The following LTBP1 variants were observed in gnomAD, a reference collection of about 807,000 sequenced individuals.
LTBP1 encodes latent transforming growth factor beta binding protein 1.
In LTBP1, 129 loss-of-function variants were observed where a neutral mutation model predicts 207.6. The observed-to-expected ratio is 0.62, with a 90% CI of 0.54 to 0.72. The LOEUF (loss-of-function observed/expected upper bound fraction) is 0.72, where lower values mean the gene tolerates loss of function less well. LTBP1 is among the 30% of genes least tolerant of loss of function. The pLI is 0.00. For synonymous variants in LTBP1, 963 were observed against 833.7 expected (o/e 1.16, Z -2.67); for missense variants, 2,281 against 2,217.2 (o/e 1.03, Z -0.58).
chr2:33,351,100 C>T (rs1451943384), intron 26 of LTBP1, among the ~76,000 whole-genome samples: 2 of 152,138 alleles, frequency 1.3e-5, no homozygotes, highest in Non-Finnish European at 2.9e-5. Flanking sequence ...TAATTCTTCA[C>T]TTTACTCAAT....
intron 26 of LTBP1, among the ~76,000 whole-genome samples, chr2:33,350,449 G>A (rs1327417533): frequency 2.6e-5 from 4 of 152,280 alleles, no homozygotes; most frequent in African/African-American, 7.2e-5. Context: ...AGTGCTTCCC[G>A]CGGAGGCATC....
chr2:33,195,486 T>C (rs1368811363), intron 7 of LTBP1, among the ~76,000 whole-genome samples: 1 of 152,128 alleles, frequency 6.6e-6, no homozygotes, highest in East Asian at 1.9e-4. Context: ...ACTACAGATA[T>C]GGTGGAAATA....
At chr2:33,032,326 C>A (rs1422252255) in intron 3 of LTBP1, among the ~76,000 whole-genome samples, 1 of 152,168 alleles carries the variant, frequency 6.6e-6, no homozygotes, top group South Asian at 2.1e-4. Flanking sequence ...TAATCAAGGT[C>A]TTTTTTCCTG....
intron 24 of LTBP1, among the ~76,000 whole-genome samples, chr2:33,320,228 T>G (rs2094334712): frequency 6.6e-6 from 1 of 151,678 alleles, no homozygotes; most frequent in Admixed American, 6.6e-5. Context: ...AATTAGCTGG[T>G]TGTGGCCGTG....
At chr2:33,076,683 C>T (rs1001189992) in intron 3 of LTBP1, among the ~76,000 whole-genome samples, 15 of 151,878 alleles carry the variant, frequency 9.9e-5, no homozygotes, top group East Asian at 1.9e-4. Context: ...ATTACAGGCC[C>T]GCACCACCAC....
At chr2:33,299,987 A>G (rs1256753091) in intron 20 of LTBP1, among the ~76,000 whole-genome samples, 1 of 152,200 alleles carries the variant, frequency 6.6e-6, no homozygotes, top group African/African-American at 2.4e-5. Flanking sequence ...TTGGCCTTAT[A>G]GTTCAACTTC....
chr2:32,993,050 G>T (rs946222328), intron 2 of LTBP1, among the ~76,000 whole-genome samples: 1 of 152,082 alleles, frequency 6.6e-6, no homozygotes, highest in Non-Finnish European at 1.5e-5. Flanking sequence ...GGTGCTGGTG[G>T]GCCTGCAGAT....
intron 31 of LTBP1, among the ~76,000 whole-genome samples, chr2:33,386,633 G>A (rs987620837): frequency 6.6e-6 from 1 of 152,034 alleles, no homozygotes; most frequent in African/African-American, 2.4e-5. Flanking sequence ...AGACCAGCTT[G>A]GGCAACATTG....
chr2:33,141,436 T>C (rs1209572100), intron 5 of LTBP1, among the ~76,000 whole-genome samples: 5 of 152,322 alleles, frequency 3.3e-5, no homozygotes, highest in African/African-American at 1.2e-4. Flanking sequence ...ATTACATGTA[T>C]TTTACCACAA....
In LTBP1 at chr2:32,947,646, C is replaced by G. The variant is rs1280939655; in HGVS notation, c.322C>G (p.Pro108Ala). 4 of 1,394,212 alleles carry G rather than the reference C, an allele frequency of 2.9e-6. No homozygotes were observed. The African/African-American group carries it at 6.1e-5, about 21-fold the overall frequency. The allele number at this position is 1,394,212 out of a possible 1,614,324, so 86.4% of individuals were successfully genotyped here. The change falls in exon 1 of 34, where the codon CCT (proline) becomes GCT (alanine). Residue 108 changes from proline (P) to alanine (A), a missense_variant. Transcript: ENST00000404816. ...ACCGCCGCCGCCGCCGCCGCCGGAG[C>G]CTGCGCGTCCCGCGGTCCCCGGCGG... ...LRPPPPPPPE[P>A]ARPAVPGGQL...
At chr2:33,168,666 C>T (rs986623521) in intron 5 of LTBP1, among the ~76,000 whole-genome samples, 3 of 151,740 alleles carry the variant, frequency 2.0e-5, no homozygotes, top group Non-Finnish European at 4.4e-5. Context: ...GTCCACCTGG[C>T]CTTTTTAGCA....
intron 11 of LTBP1, among the ~76,000 whole-genome samples, chr2:33,254,808 T>C (rs1387254704): frequency 9.0e-6 from 1 of 111,604 alleles, no homozygotes; most frequent in Non-Finnish European, 1.8e-5. Flanking sequence ...CCATGTGTTC[T>C]CATTGTTCAA....
intron 10 of LTBP1, among the ~76,000 whole-genome samples, chr2:33,248,744 A>G (rs974185022): frequency 6.6e-6 from 1 of 151,712 alleles, no homozygotes; most frequent in Non-Finnish European, 1.5e-5. Context: ...GCGCCACCAC[A>G]CCCGGCTAAT....
chr2:33,273,032 AGAAAAGATTTGG>A (rs765406610), intron 15 of LTBP1, among the ~76,000 whole-genome samples: 1 of 152,234 alleles, frequency 6.6e-6, no homozygotes, highest in Non-Finnish European at 1.5e-5. Context: ...GGAATTTAGC[AGAAAAGATTTGG>A]GAAAAGATTC....
At chr2:33,113,631 C>T (rs1244336826) in intron 4 of LTBP1, among the ~76,000 whole-genome samples, 1 of 152,154 alleles carries the variant, frequency 6.6e-6, no homozygotes, top group Non-Finnish European at 1.5e-5. Context: ...GTATATTTAC[C>T]AGTCTTCTTA....
At chr2:33,251,084 G>A (rs1376885030) in intron 10 of LTBP1, among the ~76,000 whole-genome samples, 2 of 152,252 alleles carry the variant, frequency 1.3e-5, no homozygotes, top group East Asian at 1.9e-4. Flanking sequence ...GCCAGTGTAC[G>A]CTGCCCTCGG....
intron 26 of LTBP1, among the ~76,000 whole-genome samples, chr2:33,348,769 A>C (rs1391664869): frequency 6.6e-6 from 1 of 152,242 alleles, no homozygotes; most frequent in African/African-American, 2.4e-5. Context: ...TAAGTGAAAA[A>C]ATACAGGATA....
At chr2:33,218,609 C>A (rs898508527) in intron 8 of LTBP1, among the ~76,000 whole-genome samples, 1 of 152,154 alleles carries the variant, frequency 6.6e-6, no homozygotes, top group Non-Finnish European at 1.5e-5. Flanking sequence ...GTTGGCCAGG[C>A]TGGTCTCCAA....
At chr2:33,160,300 C>T (rs1056771049) in intron 5 of LTBP1, among the ~76,000 whole-genome samples, 3 of 152,058 alleles carry the variant, frequency 2.0e-5, no homozygotes, top group Non-Finnish European at 4.4e-5. Flanking sequence ...GGAGACTTGC[C>T]CCTTTTAATT....
Sources: gnomAD v4.1 joint callset for allele counts (sites outside exome capture counted in the v4.1 genomes callset) on GRCh38, gnomAD v4.1.1 for gene constraint, MANE v1.5 for transcripts, NCBI Gene and HGNC (gene_info 2026-07-23, HGNC 2026-07-21) for gene names.